Variants in TACC1 observed in about 807,000 individuals in gnomAD.
The protein encoded by TACC1 is transforming acidic coiled-coil containing protein 1, also known as transforming acidic coiled-coil-containing protein 1.
Under a neutral mutation model 84.4 loss-of-function variants are expected in TACC1, and 48 were observed. The ratio of observed to expected loss-of-function variants is 0.57; its 90% CI spans 0.45 to 0.72. TACC1 has a LOEUF of 0.72. Among genes scored for constraint, TACC1 ranks in the 30% least tolerant of loss-of-function variants. The pLI is 0.00. For missense variants in TACC1, 920 were observed against 973.0 expected, an observed-to-expected ratio of 0.95 and a Z score of 0.72; for synonymous variants, 372 against 376.3, an observed-to-expected ratio of 0.99 and a Z score of 0.13.
At chr8:38,732,839 C>G (rs1287317257) in intron 1 of TACC1, among the ~76,000 whole-genome samples, 1 of 152,206 alleles carries the variant, frequency 6.6e-6, no homozygotes, top group Non-Finnish European at 1.5e-5. Context: ...TTAAACCCAA[C>G]ATTATAGTTC....
chr8:38,803,461 T>C (rs1050324215), intron 2 of TACC1, among the ~76,000 whole-genome samples: 4 of 152,238 alleles, frequency 2.6e-5, no homozygotes, highest in Non-Finnish European at 5.9e-5. Flanking sequence ...CTTAGTGTTT[T>C]TATCATAAAA....
At position 38,820,047 on chromosome 8, in the gene TACC1, C is replaced by T. The variant is rs771398946; in HGVS notation, c.803C>T (p.Pro268Leu). 4 of 1,614,088 alleles carry T rather than the reference C, an allele frequency of 2.5e-6. No homozygotes were observed. Among genetic ancestry groups the T allele is most frequent in the South Asian group, 2.2e-5 (2 of 91,074 alleles). Reference sequence around the variant, plus strand: ...CCCAAGGCATCCTATCACTTCAGTCCTGAAGAGTTGGATGAGAACACAAGT... The same window carrying T: ...CCCAAGGCATCCTATCACTTCAGTCTTGAAGAGTTGGATGAGAACACAAGT... ...PLPKASYHFS[P>L]EELDENTSPL... The change falls in exon 3 of 13, where the codon CCT becomes CTT. Residue 268 changes from proline to leucine, a missense_variant. By Grantham distance (98) the Pro-to-Leu change is moderately conservative (BLOSUM62 -3). This residue lies in a region of TACC1 where 762 missense variants were observed against 747.3 expected (regional missense o/e 1.02). Coordinates refer to ENST00000317827, the MANE Select transcript of TACC1 (RefSeq NM_006283.3).
chr8:38,783,098 CTATCTATCTATA>C (rs1193671599), upstream of TACC1, among the ~76,000 whole-genome samples: 7,631 of 115,902 alleles, frequency 0.066, 249 homozygotes, highest in Non-Finnish European at 0.079. Context: ...ATCTATCTAT[CTATCTATCTATA>C]TATATATATA....
chr8:38,826,351 C>A (rs966318796), intron 4 of TACC1, among the ~76,000 whole-genome samples: 1 of 152,018 alleles, frequency 6.6e-6, no homozygotes, highest in Non-Finnish European at 1.5e-5. Flanking sequence ...ACCCAAAACC[C>A]ATATATTTAG....
intron 2 of TACC1, among the ~76,000 whole-genome samples, chr8:38,803,031 A>AT (rs1490514135): frequency 6.6e-6 from 1 of 152,186 alleles, no homozygotes; most frequent in Non-Finnish European, 1.5e-5. Context: ...TAAATATTTT[A>AT]TTTTTTGATA....
At position 38,825,359 on chromosome 8, in the gene TACC1, A is replaced by G. The variant is rs774606962; in HGVS notation, c.1443A>G (p.Ala481=). The G allele has an allele frequency of 1.2e-6, 2 of 1,613,892 alleles. 1 individual carries two copies. The highest frequency in any genetic ancestry group is 2.2e-5 in the South Asian group (2 of 91,038). The change falls in exon 4 of 13, where the codon GCA becomes GCG. Residue 481 remains alanine, a synonymous_variant. Transcript: ENST00000317827. ...AAACTCAGTCTCTCGCCCTGGATGC[A>G]TGTTCTCGGGTGAGTCTGTGCCCAT... is the stretch of plus-strand genomic sequence containing the variant. ...KHETQSLALD[A]CSRDEGAVIS...
chr8:38,826,615 T>G (rs1828121597), intron 4 of TACC1, among the ~76,000 whole-genome samples: 1 of 152,266 alleles, frequency 6.6e-6, no homozygotes, highest in Admixed American at 6.5e-5. Flanking sequence ...AGTTTCTTGA[T>G]GGAAGTGGGA....
At chr8:38,771,976 C>T (rs1217995918) in intron 3 of TACC1, among the ~76,000 whole-genome samples, 1 of 151,412 alleles carries the variant, frequency 6.6e-6, no homozygotes, top group Non-Finnish European at 1.5e-5. Context: ...ACATTCAGTA[C>T]TGCTGTTAAG....
At chr8:38,778,622 G>A (rs1213162258) in intron 3 of TACC1, among the ~76,000 whole-genome samples, 1 of 152,170 alleles carries the variant, frequency 6.6e-6, no homozygotes, top group East Asian at 1.9e-4. Context: ...TGTGGCCCTA[G>A]CACTGTGTTC....
intron 3 of TACC1, 98 bp from the exon 4 acceptor site, chr8:38,825,210 G>T: frequency 7.9e-7 from 1 of 1,259,092 alleles, no homozygotes; most frequent in Non-Finnish European, 1.2e-6. Flanking sequence ...TGTATGCTTT[G>T]GCTTCTATCC....
chr8:38,734,239 C>G (rs1038550777), intron 1 of TACC1, among the ~76,000 whole-genome samples: 53 of 152,180 alleles, frequency 3.5e-4, no homozygotes, highest in African/African-American at 1.2e-3. Context: ...GTCACCCATG[C>G]TGGAGTGCAG....
intron 3 of TACC1, among the ~76,000 whole-genome samples, chr8:38,770,528 C>T (rs992554769): frequency 2.0e-5 from 3 of 152,118 alleles, no homozygotes; most frequent in African/African-American, 7.2e-5. Context: ...GGCTTGAGAT[C>T]TGTGAAAGAA....
intron 9 of TACC1, among the ~76,000 whole-genome samples, chr8:38,841,343 A>G (rs980611004): frequency 2.0e-5 from 3 of 152,184 alleles, no homozygotes; most frequent in African/African-American, 7.2e-5. Context: ...CTTGGAGGCC[A>G]CTTAAAACAG....
intron 1 of TACC1, among the ~76,000 whole-genome samples, chr8:38,728,917 C>G (rs1342314917): frequency 6.6e-6 from 1 of 152,190 alleles, no homozygotes; most frequent in Non-Finnish European, 1.5e-5. Context: ...TATTAAATGG[C>G]AGAATTCTAG....
At chr8:38,746,502 G>A (rs1461486096) in intron 3 of TACC1, among the ~76,000 whole-genome samples, 3 of 152,106 alleles carry the variant, frequency 2.0e-5, no homozygotes, top group African/African-American at 7.2e-5. Flanking sequence ...CTCCCTCTGA[G>A]ATTTCAATTA....
intron 6 of TACC1, among the ~76,000 whole-genome samples, chr8:38,833,057 T>C (rs1458260846): frequency 6.6e-6 from 1 of 152,220 alleles, no homozygotes; most frequent in Non-Finnish European, 1.5e-5. Flanking sequence ...TGATTTAGCG[T>C]CTTCATTAAA....
At chr8:38,745,539 GTTTGTTTTTGTT>G (rs1166473867) in intron 3 of TACC1, 9 of 676,236 alleles carry the variant, frequency 1.3e-5, no homozygotes, top group African/African-American at 1.3e-4. Flanking sequence ...CTGTTTGTTT[GTTTGTTTTTGTT>G]TTTGTTTTTT....
chr8:38,813,313 T>C (rs912994832), intron 2 of TACC1, among the ~76,000 whole-genome samples: 1 of 152,184 alleles, frequency 6.6e-6, no homozygotes, highest in Non-Finnish European at 1.5e-5. Context: ...TACAAGAAAC[T>C]GTTATGGCCA....
rs2152203249 is a variant in TACC1, at chr8:38,819,514, C to T, written c.278-8C>T. 1 of 1,591,174 alleles carries T rather than the reference C, an allele frequency of 6.3e-7. No homozygotes were observed. The highest frequency in any genetic ancestry group is 1.4e-5 in the African/African-American group (1 of 73,790). On this transcript the variant is annotated splice_polypyrimidine_tract_variant and splice_region_variant and intron_variant, in intron 2 of 12. Transcript: ENST00000317827. Reference sequence around the variant, plus strand: ...TCTTTAATAGATGGTTTTTGTGTTTCATTTTAGAATCACAAGAAGCTGATG... The same window carrying T: ...TCTTTAATAGATGGTTTTTGTGTTTTATTTTAGAATCACAAGAAGCTGATG...
Sources: gnomAD v4.1 joint callset for allele counts (sites outside exome capture counted in the v4.1 genomes callset) on GRCh38, gnomAD v4.1.1 for gene constraint, gnomAD v4.1.1 regional missense constraint, MANE v1.5 for transcripts, NCBI Gene and HGNC (gene_info 2026-07-23, HGNC 2026-07-21) for gene names.